The following SLC24A2 variants were observed in gnomAD, a reference collection of about 807,000 sequenced individuals.
The protein encoded by SLC24A2 is sodium/potassium/calcium exchanger 2.
In SLC24A2, 36 loss-of-function variants were observed where a neutral mutation model predicts 62.0. That is an observed-to-expected ratio of 0.58 (90% confidence interval 0.44 to 0.77). The LOEUF (loss-of-function observed/expected upper bound fraction) is 0.77. Ranked by LOEUF, SLC24A2 falls within the 30% of genes least tolerant of loss-of-function variation. The probability of loss-of-function intolerance (pLI) is 0.00; values close to 1 mark genes in which losing one functional copy is unlikely to be tolerated. For synonymous variants in SLC24A2, 358 were observed against 294.0 expected (o/e 1.22, Z -2.23); for missense variants, 846 against 817.9 (o/e 1.03, Z -0.42).
rs576785807 is a variant in SLC24A2 at position 19,721,053 on chromosome 9, A to G, written c.930+64884T>C. On this transcript the variant is annotated intron_variant, in intron 2 of 10. Coordinates refer to ENST00000341998, the MANE Select transcript of SLC24A2 (RefSeq NM_020344.4). Reference sequence around the variant, plus strand: ...ATATCAGTTTCTGATCCTTCTTCCCATAAGTTTAACTCTATGGTAACAATT... The same window carrying G: ...ATATCAGTTTCTGATCCTTCTTCCCGTAAGTTTAACTCTATGGTAACAATT... 3.3e-5 allele frequency among the ~76,000 whole-genome samples: 5 copies of G among 152,286 alleles called. No homozygotes were observed. In the South Asian group the frequency reaches 1.0e-3, roughly 32 times the overall value.
chr9:19,876,053 T>G, the SLC24A2 span, among the ~76,000 whole-genome samples: 1 of 152,218 alleles, frequency 6.6e-6, no homozygotes, highest in South Asian at 2.1e-4. Context: ...TTGCAGCATG[T>G]CAAGTCTTCC....
At chr9:19,789,117 G>A (rs893092796), upstream of SLC24A2, among the ~76,000 whole-genome samples, 3 of 152,204 alleles carry the variant, frequency 2.0e-5, no homozygotes, top group Non-Finnish European at 4.4e-5. Flanking sequence ...TGCGCTGTGC[G>A]CTGGGAGCGG....
the SLC24A2 span, among the ~76,000 whole-genome samples, chr9:19,922,952 G>GT: frequency 6.7e-6 from 1 of 149,590 alleles, no homozygotes; most frequent in Admixed American, 6.7e-5. Flanking sequence ...TTATGAGTGT[G>GT]TTGGCCTAAA....
chr9:19,558,299 A>G (rs562351577), intron 7 of SLC24A2, among the ~76,000 whole-genome samples: 1 of 152,196 alleles, frequency 6.6e-6, no homozygotes, highest in Non-Finnish European at 1.5e-5. Flanking sequence ...TCCTAGGTGC[A>G]AATTTAAAAA....
At chr9:20,119,554 A>T in the SLC24A2 span, among the ~76,000 whole-genome samples, 1 of 152,182 alleles carries the variant, frequency 6.6e-6, no homozygotes, top group Non-Finnish European at 1.5e-5. Context: ...GACAAAATTT[A>T]ACACTTCCAT....
the SLC24A2 span, among the ~76,000 whole-genome samples, chr9:20,031,445 A>G: frequency 6.7e-6 from 1 of 149,666 alleles, no homozygotes; most frequent in Non-Finnish European, 1.5e-5. Flanking sequence ...AGTAGAGAAA[A>G]ATCTCATGGT....
At chr9:20,290,190 G>A in the SLC24A2 span, among the ~76,000 whole-genome samples, 200 of 152,340 alleles carry the variant, frequency 1.3e-3, 3 homozygotes, top group Non-Finnish European at 4.7e-4. Flanking sequence ...GCCATACTGA[G>A]TGCAGCAAGC....
chr9:19,991,485 C>A, the SLC24A2 span, among the ~76,000 whole-genome samples: 1 of 152,200 alleles, frequency 6.6e-6, no homozygotes, highest in East Asian at 1.9e-4. Context: ...GGCAACACCT[C>A]ACAGACACAC....
the SLC24A2 span, among the ~76,000 whole-genome samples, chr9:19,892,224 G>A: frequency 6.6e-6 from 1 of 152,130 alleles, no homozygotes; most frequent in African/African-American, 2.4e-5. Flanking sequence ...TAAACAACCT[G>A]CTTTCTCAGT....
rs1180537691 is a variant in SLC24A2, at chr9:19,786,163, C to A, written c.704G>T (p.Trp235Leu). 6.2e-7 allele frequency: 1 copy of A among 1,614,172 alleles called. No individual in the cohort carries two copies. Among genetic ancestry groups the A allele is most frequent in the Non-Finnish European group, 8.5e-7 (1 of 1,180,048 alleles). The change falls in exon 2 of 11, where the codon TGG (tryptophan) becomes TTG (leucine). Residue 235 changes from tryptophan (W) to leucine (L), a missense_variant. By Grantham distance (61) the Trp-to-Leu change is moderately conservative. Transcript: ENST00000341998. This position sits in a 1 kb window ranked among gnomAD's most constrained non-coding sequence, Gnocchi z 5.0. ...LFSREILNLT[W>L]WPLFRDVSFY... ...AGACACATCTCGAAAGAGCGGCCAC[C>A]ATGTCAGGTTTAAGATTTCTCTAGA... is the stretch of plus-strand genomic sequence containing the variant.
chr9:19,764,053 G>A (rs890473091), intron 2 of SLC24A2, among the ~76,000 whole-genome samples: 8 of 152,106 alleles, frequency 5.3e-5, no homozygotes, highest in African/African-American at 1.7e-4. Context: ...GGATATATGT[G>A]TCCAGGAATT....
At chr9:20,194,599 T>A in the SLC24A2 span, among the ~76,000 whole-genome samples, 1 of 152,166 alleles carries the variant, frequency 6.6e-6, no homozygotes, top group Non-Finnish European at 1.5e-5. Flanking sequence ...GAATATCAGG[T>A]AGCTTTATCC....
chr9:20,283,886 T>G, the SLC24A2 span, among the ~76,000 whole-genome samples: 1 of 152,160 alleles, frequency 6.6e-6, no homozygotes, highest in Non-Finnish European at 1.5e-5. Context: ...TAGGGAGTTA[T>G]ACGCATGCCC....
the SLC24A2 span, chr9:19,926,021 G>A: frequency 6.6e-6 from 1 of 152,054 alleles, no homozygotes; most frequent in Non-Finnish European, 1.5e-5. Flanking sequence ...CACAGAAAAG[G>A]GCCTGTTTTC....
intron 2 of SLC24A2, among the ~76,000 whole-genome samples, chr9:19,628,363 A>G (rs1432365069): frequency 6.6e-6 from 1 of 152,224 alleles, no homozygotes; most frequent in Non-Finnish European, 1.5e-5. Flanking sequence ...TGTACATAGA[A>G]GACAGTAATC....
At chr9:20,167,598 C>G in the SLC24A2 span, among the ~76,000 whole-genome samples, 1 of 152,026 alleles carries the variant, frequency 6.6e-6, no homozygotes, top group African/African-American at 2.4e-5. Context: ...AGTAAAGGAT[C>G]AGTGTCCCTT....
At chr9:19,692,358 A>AATT (rs1017478020) in intron 2 of SLC24A2, among the ~76,000 whole-genome samples, 10 of 152,146 alleles carry the variant, frequency 6.6e-5, no homozygotes, top group Non-Finnish European at 1.2e-4. Flanking sequence ...AGACACTAAT[A>AATT]ATGACCTCAC....
At chr9:19,690,359 C>T (rs1820008845) in intron 2 of SLC24A2, among the ~76,000 whole-genome samples, 1 of 152,058 alleles carries the variant, frequency 6.6e-6, no homozygotes, top group African/African-American at 2.4e-5. Context: ...GTAAGTAGGC[C>T]CCACCTCTGG....
chr9:20,302,400 T>C, the SLC24A2 span, among the ~76,000 whole-genome samples: 3 of 152,238 alleles, frequency 2.0e-5, no homozygotes, highest in African/African-American at 2.4e-5. Flanking sequence ...CATTTAGTGT[T>C]GTCAGTGTTC....
Sources: gnomAD v4.1 joint callset for allele counts (sites outside exome capture counted in the v4.1 genomes callset) on GRCh38, gnomAD v4.1.1 for gene constraint, Gnocchi (gnomAD v3.1) non-coding constraint, MANE v1.5 for transcripts, NCBI Gene and HGNC (gene_info 2026-07-23, HGNC 2026-07-21) for gene names.